The following PKNOX1 variants were observed in gnomAD, a reference collection of about 807,000 sequenced individuals.
PKNOX1 encodes homeobox protein PKNOX1.
Under a neutral mutation model 51.9 loss-of-function variants are expected in PKNOX1, and 15 were observed. The ratio of observed to expected loss-of-function variants is 0.29; its 90% confidence interval spans 0.19 to 0.45. The LOEUF (loss-of-function observed/expected upper bound fraction) is 0.45. Among genes scored for constraint, PKNOX1 ranks in the 20% least tolerant of loss-of-function variants. The probability of loss-of-function intolerance (pLI) is 1.00; values close to 1 mark genes in which losing one functional copy is unlikely to be tolerated. For synonymous variants in PKNOX1, 219 were observed against 211.1 expected (o/e 1.04, Z -0.32); for missense variants, 462 against 547.5 (o/e 0.84, Z 1.56).
chr21:43,013,483 C>T (rs1286260415), intron 5 of PKNOX1, among the ~76,000 whole-genome samples: 1 of 152,174 alleles, frequency 6.6e-6, no homozygotes. Flanking sequence ...CCATTCATTT[C>T]TTTCTTTTAT....
At chr21:43,009,547 G>T (rs1021589940) in intron 3 of PKNOX1, among the ~76,000 whole-genome samples, 2 of 141,984 alleles carry the variant, frequency 1.4e-5, no homozygotes, top group African/African-American at 5.3e-5. Flanking sequence ...GAGGGCAGAG[G>T]TTGCAGTGAC....
At chr21:42,981,930 T>C (rs1210817235) in intron 1 of PKNOX1, among the ~76,000 whole-genome samples, 1 of 152,190 alleles carries the variant, frequency 6.6e-6, no homozygotes, top group African/African-American at 2.4e-5. Flanking sequence ...GATGGAACCA[T>C]GGTTTGTGCT....
chr21:43,029,809 G>A, intron 10 of PKNOX1, 81 bp from the exon 11 acceptor site: 9 of 1,194,726 alleles, frequency 7.5e-6, no homozygotes, highest in East Asian at 2.4e-5. Context: ...GGTCAAACGA[G>A]CAAACAGCAC....
intron 1 of PKNOX1, among the ~76,000 whole-genome samples, chr21:42,979,779 C>T (rs1250923857): frequency 6.6e-6 from 1 of 152,050 alleles, no homozygotes; most frequent in African/African-American, 2.4e-5. Flanking sequence ...TGCTTATAGT[C>T]TGTTGAATCT....
rs1328952872 is a variant in PKNOX1 at position 42,974,890 on chromosome 21, C to G, written c.-57+226C>G. On this transcript the variant is annotated intron_variant, in intron 1 of 10. Coordinates refer to ENST00000291547, the MANE Select transcript of PKNOX1 (RefSeq NM_004571.5). ...GCGGGCACCCGCGGGGGAGGGGGCGCCTTCAGCCCAACCGGCGCGGGGGCG... is the reference window on the plus strand; with the variant it reads ...GCGGGCACCCGCGGGGGAGGGGGCGGCTTCAGCCCAACCGGCGCGGGGGCG... Among the ~76,000 whole-genome samples, 5 of 146,144 alleles carry G rather than the reference C, an allele frequency of 3.4e-5. No individual in the cohort carries two copies. The East Asian group carries it at 1.0e-3, about 30-fold the overall frequency.
chr21:42,996,291 A>C (rs1158555475), intron 1 of PKNOX1, among the ~76,000 whole-genome samples: 1 of 152,032 alleles, frequency 6.6e-6, no homozygotes, highest in Non-Finnish European at 1.5e-5. Context: ...AGTGGGGGAG[A>C]CCTAGGAGCA....
Position 43,021,941 on chromosome 21 carries a change from G to A in PKNOX1, c.849+510G>A, listed in dbSNP as rs779987225. 7.2e-5 allele frequency among the ~76,000 whole-genome samples: 11 copies of A among 152,236 alleles called. No individual in the cohort carries two copies. Among genetic ancestry groups the A allele is most frequent in the Non-Finnish European group, 1.0e-4 (7 of 68,042 alleles). ...GCTTCCTCCCCCGGGCCATGGCCGC[G>A]TCTTCTCCCTGTCCCCAGGACATCT... On this transcript the variant is annotated intron_variant, in intron 8 of 10. Coordinates refer to ENST00000291547, the MANE Select transcript of PKNOX1 (RefSeq NM_004571.5). The surrounding 1 kb of genome is among the most constrained non-coding windows in gnomAD (Gnocchi z 4.6).
At chr21:43,008,061 T>TCTCTCACACACACACACA (rs59792199) in intron 3 of PKNOX1, among the ~76,000 whole-genome samples, 1,515 of 146,792 alleles carry the variant, frequency 0.01, 11 homozygotes, top group South Asian at 0.017. Context: ...CAAAACTCTG[T>TCTCTCACACACACACACA]CACACACACA....
At chr21:42,998,188 T>G (rs1369976604) in intron 1 of PKNOX1, among the ~76,000 whole-genome samples, 1 of 152,190 alleles carries the variant, frequency 6.6e-6, no homozygotes, top group Non-Finnish European at 1.5e-5. Context: ...ATGTCTTACA[T>G]GGATGGCAGC....
chr21:43,017,709 G>A (rs748367438), intron 6 of PKNOX1: 28 of 160,966 alleles, frequency 1.7e-4, no homozygotes, highest in Non-Finnish European at 3.1e-4. Context: ...CCCCAGGTCA[G>A]TTGGTGGTGT....
chr21:43,009,927 T>A (rs1391407124), intron 3 of PKNOX1, 126 bp from the exon 4 acceptor site: 2 of 500,418 alleles, frequency 4.0e-6, no homozygotes, highest in African/African-American at 3.9e-5. Flanking sequence ...TTTCAACGGG[T>A]GGACCGTGTG....
At chr21:42,994,534 A>G (rs1192062785) in intron 1 of PKNOX1, among the ~76,000 whole-genome samples, 1 of 151,166 alleles carries the variant, frequency 6.6e-6, no homozygotes, top group Non-Finnish European at 1.5e-5. Context: ...TGAAATTCTG[A>G]CTTTTCCCTC....
chr21:43,023,427 C>T (rs566331896), intron 8 of PKNOX1, among the ~76,000 whole-genome samples: 2 of 152,256 alleles, frequency 1.3e-5, no homozygotes, highest in East Asian at 3.9e-4. Context: ...TAAACTCTCA[C>T]TGCTGACTTT....
chr21:43,019,855 G>T (rs1979678026), intron 7 of PKNOX1, among the ~76,000 whole-genome samples: 2 of 150,768 alleles, frequency 1.3e-5, no homozygotes, highest in Admixed American at 6.6e-5. Context: ...AAGAAGGTTG[G>T]TGTTCTTTTT....
rs1163565113 is a variant in PKNOX1 at position 43,020,008 on chromosome 21, C to T, written c.721-1295C>T. ...AGTATAGTGGCACAAACACAGCTCA[C>T]TGAAGCATTGACCTCCCAGGCTCAA... On this transcript the variant is annotated intron_variant, in intron 7 of 10. Coordinates refer to ENST00000291547, the MANE Select transcript of PKNOX1 (RefSeq NM_004571.5). Among the ~76,000 whole-genome samples, 3 of 145,916 alleles carry T rather than the reference C, an allele frequency of 2.1e-5. No individual in the cohort carries two copies. The Admixed American group carries it at 2.1e-4, about 10-fold the overall frequency.
rs1979595116 is a variant in PKNOX1, at chr21:43,018,368, T to C, written c.720+138T>C. 6.7e-6 allele frequency: 4 copies of C among 599,648 alleles called. No homozygotes were observed. In the East Asian group the frequency reaches 1.1e-4, roughly 17 times the overall value. The allele number at this position is 599,648 out of a possible 1,614,324, so 37.1% of individuals were successfully genotyped here. A position where few individuals can be genotyped will look rare whatever the true frequency, so the allele number is the denominator to read the frequency against. ...AATTTCTGGTTTCTCTGAATGTCAG[T>C]GTTTTGTTTCTTTGTACTCTTATCT... On this transcript the variant is annotated intron_variant, in intron 7 of 10. Transcript: ENST00000291547.
At chr21:43,019,545 T>A (rs539119914) in intron 7 of PKNOX1, among the ~76,000 whole-genome samples, 1 of 152,218 alleles carries the variant, frequency 6.6e-6, no homozygotes, top group Admixed American at 6.5e-5. Flanking sequence ...TGAGAAAGCA[T>A]TACTTTTGTT....
At position 43,021,871 on chromosome 21, in the gene PKNOX1, T is replaced by C. The variant is rs190583111; in HGVS notation, c.849+440T>C. 3.9e-5 allele frequency among the ~76,000 whole-genome samples: 6 copies of C among 152,250 alleles called. No individual in the cohort carries two copies. In the East Asian group the frequency reaches 1.2e-3, roughly 29 times the overall value. On this transcript the variant is annotated intron_variant, in intron 8 of 10. Coordinates refer to ENST00000291547, the MANE Select transcript of PKNOX1 (RefSeq NM_004571.5). This position sits in a 1 kb window ranked among gnomAD's most constrained non-coding sequence, Gnocchi z 4.6. ...GTGGGTGCCTTTAGCTGGAAGCGAG[T>C]TTGTCCCACAGGGCGCGCCGTTTTG...
rs951882323 is a variant in PKNOX1 at position 43,032,593 on chromosome 21, C to T, written c.*2492C>T. ...CTTGCACCTGTGAATAGCCACTGCA[C>T]TCCATCTTGGGCAACACAGTGAGAC... On this transcript the variant is annotated 3_prime_UTR_variant, in exon 11 of 11. Coordinates refer to ENST00000291547, the MANE Select transcript of PKNOX1 (RefSeq NM_004571.5). The T allele has an allele frequency of 1.2e-5, 2 of 171,494 alleles. No homozygotes were observed. Among genetic ancestry groups the T allele is most frequent in the African/African-American group, 4.7e-5 (2 of 42,298 alleles). The allele number at this position is 171,494 out of a possible 1,614,324, so 10.6% of individuals were successfully genotyped here.
Sources: allele counts gnomAD v4.1 joint callset (sites outside exome capture counted in the v4.1 genomes callset), GRCh38; gene constraint gnomAD v4.1.1; non-coding constraint Gnocchi (gnomAD v3.1); transcripts MANE v1.5; gene names NCBI Gene and HGNC (gene_info 2026-07-23, HGNC 2026-07-21).